DNAH2: variants seen among roughly 807,000 people sequenced by gnomAD.
The protein encoded by DNAH2 is axonemal beta dynein heavy chain 2.
DNAH2 carries 323 observed loss-of-function variants against 523.5 expected under a neutral mutation model. That is an observed-to-expected ratio of 0.62 (90% CI 0.56 to 0.68). The LOEUF is 0.68. DNAH2 is among the 30% of genes least tolerant of loss of function. The probability of loss-of-function intolerance (pLI) is 0.00; values close to 1 mark genes in which losing one functional copy is unlikely to be tolerated. For missense variants in DNAH2, 4,907 were observed against 5,701.5 expected (o/e 0.86, Z 4.49); for synonymous variants, 2,093 against 2,177.4 (o/e 0.96, Z 1.08).
Position 7,807,389 on chromosome 17 carries a change from A to T in DNAH2, c.9612+70A>T. The T allele has an allele frequency of 6.4e-7, 1 of 1,556,010 alleles. No individual in the cohort carries two copies. The highest frequency in any genetic ancestry group is 8.8e-7 in the Non-Finnish European group (1 of 1,140,350). On this transcript the variant is annotated intron_variant, in intron 62 of 85. Coordinates refer to ENST00000572933, the MANE Select transcript of DNAH2 (RefSeq NM_020877.5). This position sits in a 1 kb window ranked among gnomAD's most constrained non-coding sequence, Gnocchi z 5.6. ...TGGGGGAGTGCGGATGCACAGACCC[A>T]GGTGGAAGGAGGGGATGCCTGGAGG... is the stretch of plus-strand genomic sequence containing the variant.
chr17:7,725,372 G>A (rs191928734), intron 3 of DNAH2, among the ~76,000 whole-genome samples: 83 of 147,784 alleles, frequency 5.6e-4, no homozygotes, highest in African/African-American at 2.0e-3. Context: ...TTACAGGTGT[G>A]AGCCACTGTG....
rs776701910 is a variant in DNAH2 at position 7,778,099 on chromosome 17, G to A, written c.5270G>A (p.Arg1757His). Reference protein sequence around the residue: ...WEKDLDDCVIRQTNTQFQYNY... With the variant: ...WEKDLDDCVIHQTNTQFQYNY... ...CAGGATCTTGATGACTGTGTCATCCGCCAGACCAACACGCAATTTCAGTAT... is the reference window on the plus strand; with the variant it reads ...CAGGATCTTGATGACTGTGTCATCCACCAGACCAACACGCAATTTCAGTAT... The change falls in exon 34 of 86, where the codon CGC becomes CAC. Residue 1757 changes from arginine to histidine, a missense_variant. Physicochemically the swap from Arg to His is conservative, Grantham distance 29. Coordinates refer to ENST00000572933, the MANE Select transcript of DNAH2 (RefSeq NM_020877.5). 11 of 1,613,982 alleles carry A rather than the reference G, an allele frequency of 6.8e-6. No homozygotes were observed. The highest frequency in any genetic ancestry group is 4.4e-5 in the South Asian group (4 of 91,076).
chr17:7,826,778 A>G (rs1052989576), intron 77 of DNAH2, among the ~76,000 whole-genome samples: 3 of 151,870 alleles, frequency 2.0e-5, no homozygotes, highest in Admixed American at 1.3e-4. Context: ...ACCTCAGGCA[A>G]TCTGCCTACT....
chr17:7,798,868 TC>T lies in DNAH2; in HGVS notation c.8559+152del. On this transcript the variant is annotated intron_variant, in intron 55 of 85. Transcript: ENST00000572933. The surrounding 1 kb of genome is among the most constrained non-coding windows in gnomAD (Gnocchi z 5.5). ...CAGCCCTGTAAGGTGGAAGGTCCCC[TC>T]CAGGGACCCTGGGCAGAGCTGCTTT... The T allele has an allele frequency of 7.9e-7, 1 of 1,259,854 alleles. No individual in the cohort carries two copies. The highest frequency in any genetic ancestry group is 1.5e-5 in the African/African-American group (1 of 67,064). The allele number at this position is 1,259,854 out of a possible 1,614,324, so 78.0% of individuals were successfully genotyped here.
chr17:7,718,879 G>T (rs558492956), intron 1 of DNAH2, 80 bp downstream of exon 1: 2 of 152,692 alleles, frequency 1.3e-5, no homozygotes, highest in East Asian at 3.9e-4. Context: ...CATTTAACTT[G>T]GGAGGAAAAG....
rs1448229989 is a variant in DNAH2 at position 7,786,683 on chromosome 17, T to C, written c.6462T>C (p.Cys2154=). 6.2e-7 allele frequency: 1 copy of C among 1,613,836 alleles called. No individual in the cohort carries two copies. The highest frequency in any genetic ancestry group is 8.5e-7 in the Non-Finnish European group (1 of 1,179,988). Residue 2154 remains cysteine (C), a synonymous_variant, in exon 41 of 86, where the codon TGT becomes TGC. Transcript: ENST00000572933. This position sits in a 1 kb window ranked among gnomAD's most constrained non-coding sequence, Gnocchi z 7.5. ...TGTCCAGTGTCATGCGGACGGCATG[T>C]GCAGGTATCCAGAGGATCGTGGGGT... ...GILSSVMRTA[C]ADEKPDEKWI...
At chr17:7,774,706 C>T in intron 28 of DNAH2, 53 bp from the exon 29 acceptor site, 1 of 1,524,174 alleles carries the variant, frequency 6.6e-7, no homozygotes, top group East Asian at 2.3e-5. Context: ...GCATCCAGAT[C>T]CGCCCAGGGC....
intron 4 of DNAH2, among the ~76,000 whole-genome samples, chr17:7,731,751 G>A (rs748821173): frequency 1.2e-4 from 19 of 152,046 alleles, no homozygotes; most frequent in Non-Finnish European, 2.1e-4. Context: ...GGACATGGCC[G>A]GGCACAGTGG....
At chr17:7,776,271 G>C (rs2076450517) in intron 31 of DNAH2, 122 bp downstream of exon 31, 1 of 1,195,214 alleles carries the variant, frequency 8.4e-7, no homozygotes, top group Non-Finnish European at 1.1e-6. Flanking sequence ...TTCAAGACCA[G>C]CCTGGCCAAC....
rs138479117 is a variant in DNAH2 at position 7,766,374 on chromosome 17, C to T, written c.3568C>T (p.Arg1190Trp). 51 of 1,614,064 alleles carry T rather than the reference C, an allele frequency of 3.2e-5. No homozygotes were observed. Among genetic ancestry groups the T allele is most frequent in the East Asian group, 2.5e-4 (11 of 44,864 alleles). Residue 1190 changes from arginine (R) to tryptophan (W), a missense_variant, in exon 22 of 86, where the codon CGG becomes TGG. This residue lies in a region of DNAH2 where 2,806 missense variants were observed against 3,190.8 expected (regional missense o/e 0.88). Coordinates refer to ENST00000572933, the MANE Select transcript of DNAH2 (RefSeq NM_020877.5). ...TGCCTTAGACCAGATTACACAAGTG[C>T]GGGCCATGCTGATGGCCATGCGGGA... ...MSALDQITQV[R>W]AMLMAMREEE...
intron 18 of DNAH2, 121 bp from the exon 19 acceptor site, chr17:7,763,710 A>G (rs1430591492): frequency 8.7e-7 from 1 of 1,148,756 alleles, no homozygotes; most frequent in Non-Finnish European, 1.3e-6. Flanking sequence ...GGAGTAGAAG[A>G]ACACTCTAGA....
rs1481693392 is a variant in DNAH2, at chr17:7,770,235, C to G, written c.3942-17C>G. The G allele has an allele frequency of 1.3e-6, 2 of 1,588,620 alleles. No homozygotes were observed. The highest frequency in any genetic ancestry group is 2.7e-5 in the African/African-American group (2 of 74,356). ...GGTAACTCTCCTGACCTCACACCCT[C>G]CTGTTCCTGGCTGCAGGCACTGGGA... On this transcript the variant is annotated splice_polypyrimidine_tract_variant and intron_variant, in intron 24 of 85. Transcript: ENST00000572933.
intron 12 of DNAH2, among the ~76,000 whole-genome samples, chr17:7,755,656 T>C (rs538835744): frequency 6.6e-6 from 1 of 152,084 alleles, no homozygotes; most frequent in East Asian, 1.9e-4. Flanking sequence ...CTGAGTGGGT[T>C]TTCTCAGACG....
intron 44 of DNAH2, among the ~76,000 whole-genome samples, chr17:7,790,666 G>C (rs1472551951): frequency 6.6e-6 from 1 of 151,922 alleles, no homozygotes; most frequent in Non-Finnish European, 1.5e-5. Context: ...CTCCACACAA[G>C]TAACTACTGT....
Position 7,776,810 on chromosome 17 carries a change from C to T in DNAH2, c.4979C>T (p.Thr1660Met), listed in dbSNP as rs770495244. The stretch of plus-strand genomic sequence containing the variant: ...ATCACTGCCAGTCAGATCCAGTGGA[C>T]GGCTGATGTCACCAAGTGCCTGCTG... ...VVITASQIQWTADVTKCLLTA... is the reference protein window; with the variant it reads ...VVITASQIQWMADVTKCLLTA... The change falls in exon 32 of 86, where the codon ACG (threonine) becomes ATG (methionine). Residue 1660 changes from threonine (T) to methionine (M), a missense_variant. Around this residue, in one of 3 missense-constraint regions of DNAH2, gnomAD observed 2,806 missense variants for 3,190.8 expected, o/e 0.88. Transcript: ENST00000572933. 3.8e-5 allele frequency: 61 copies of T among 1,612,520 alleles called. No homozygotes were observed. Among genetic ancestry groups the T allele is most frequent in the South Asian group, 6.6e-5 (6 of 91,056 alleles).
intron 43 of DNAH2, 34 bp from the exon 44 acceptor site, chr17:7,788,052 G>T (rs772216532): frequency 1.2e-6 from 2 of 1,613,846 alleles, no homozygotes; most frequent in South Asian, 1.1e-5. Flanking sequence ...AGGACACAAG[G>T]GTGAATGAAG....
At chr17:7,742,835 T>C (rs758301446) in intron 11 of DNAH2, 93 bp from the exon 12 acceptor site, 7 of 845,952 alleles carry the variant, frequency 8.3e-6, no homozygotes, top group East Asian at 3.1e-5. Context: ...TTGGGGTATG[T>C]GCGCATGCGC....
chr17:7,791,495 A>G (rs1429602426), intron 44 of DNAH2, among the ~76,000 whole-genome samples: 1 of 152,196 alleles, frequency 6.6e-6, no homozygotes, highest in East Asian at 1.9e-4. Context: ...TTTAACTGCT[A>G]TATACTATTC....
intron 2 of DNAH2, among the ~76,000 whole-genome samples, chr17:7,720,132 A>G (rs1237951247): frequency 6.6e-6 from 1 of 152,186 alleles, no homozygotes; most frequent in South Asian, 2.1e-4. Context: ...ATTTCCCACA[A>G]TATACCAGGA....
Sources: allele counts gnomAD v4.1 joint callset (sites outside exome capture counted in the v4.1 genomes callset), GRCh38; gene constraint gnomAD v4.1.1; regional missense constraint gnomAD v4.1.1; non-coding constraint Gnocchi (gnomAD v3.1); transcripts MANE v1.5; gene names NCBI Gene and HGNC (gene_info 2026-07-23, HGNC 2026-07-21).